The following QTMAN variants were observed in gnomAD, a reference collection of about 807,000 sequenced individuals.
QTMAN encodes queuosine-tRNA mannosyltransferase.
At chr2:144,113,789 C>T in the QTMAN span, among the ~76,000 whole-genome samples, 1 of 152,140 alleles carries the variant, frequency 6.6e-6, no homozygotes, top group East Asian at 1.9e-4. Context: ...TTTTTCATTG[C>T]CTTAATAATT....
chr2:144,006,915 C>G, the QTMAN span: 8 of 309,398 alleles, frequency 2.6e-5, no homozygotes, highest in Non-Finnish European at 1.2e-5. Context: ...CTGAACAAGA[C>G]TTGATATGCT....
chr2:143,975,371 A>C, the QTMAN span, among the ~76,000 whole-genome samples: 1 of 152,170 alleles, frequency 6.6e-6, no homozygotes. Flanking sequence ...CAATCTCCTT[A>C]GTCTCTTCCC....
chr2:144,083,302 C>A, the QTMAN span, among the ~76,000 whole-genome samples: 3 of 152,146 alleles, frequency 2.0e-5, no homozygotes, highest in African/African-American at 7.2e-5. Context: ...TTCTGGCTAA[C>A]AGTCCCAGCT....
the QTMAN span, chr2:143,942,618 T>C: frequency 3.6e-5 from 6 of 167,112 alleles, no homozygotes; most frequent in Non-Finnish European, 8.8e-5. Flanking sequence ...AGTTTAGAGC[T>C]ATAGTTTTCC....
the QTMAN span, among the ~76,000 whole-genome samples, chr2:144,204,153 A>C: frequency 1.3e-5 from 2 of 152,244 alleles, no homozygotes. Context: ...AATGGGATCT[A>C]ATTAAACTAA....
the QTMAN span, among the ~76,000 whole-genome samples, chr2:144,322,800 A>C: frequency 6.6e-6 from 1 of 152,174 alleles, no homozygotes; most frequent in Admixed American, 6.5e-5. Flanking sequence ...AAGATCTTTC[A>C]CCCATAATTT....
chr2:143,986,052 T>C, the QTMAN span, among the ~76,000 whole-genome samples: 1 of 152,182 alleles, frequency 6.6e-6, no homozygotes, highest in Non-Finnish European at 1.5e-5. Flanking sequence ...GGGTTCTCAG[T>C]AATAAATCCA....
the QTMAN span, among the ~76,000 whole-genome samples, chr2:143,969,416 A>G: frequency 3.0e-3 from 450 of 152,348 alleles, 3 homozygotes; most frequent in Middle Eastern, 0.017. Context: ...TATTTGTCCA[A>G]TAAATATTCA....
the QTMAN span, among the ~76,000 whole-genome samples, chr2:144,061,944 T>A: frequency 6.6e-6 from 1 of 152,086 alleles, no homozygotes; most frequent in Non-Finnish European, 1.5e-5. Context: ...GGGAAGATTA[T>A]CTTCCCACCC....
the QTMAN span, among the ~76,000 whole-genome samples, chr2:143,967,258 G>T: frequency 6.6e-6 from 1 of 152,000 alleles, no homozygotes; most frequent in Admixed American, 6.6e-5. Flanking sequence ...GCAATTATTT[G>T]CAAGAGAACC....
chr2:144,157,524 G>A, the QTMAN span, among the ~76,000 whole-genome samples: 1 of 151,972 alleles, frequency 6.6e-6, no homozygotes, highest in Non-Finnish European at 1.5e-5. Context: ...CATAAGCGAA[G>A]TGAGAAGGGA....
the QTMAN span, among the ~76,000 whole-genome samples, chr2:144,265,011 G>C: frequency 6.6e-6 from 1 of 152,208 alleles, no homozygotes; most frequent in African/African-American, 2.4e-5. Flanking sequence ...GGAAGACAGG[G>C]AGGCAGTGTA....
the QTMAN span, among the ~76,000 whole-genome samples, chr2:144,269,431 A>G: frequency 1.3e-5 from 2 of 152,144 alleles, no homozygotes; most frequent in East Asian, 1.9e-4. Context: ...ACTGTGAATG[A>G]TATCGTTAAT....
At chr2:144,206,324 T>C in the QTMAN span, among the ~76,000 whole-genome samples, 1 of 152,198 alleles carries the variant, frequency 6.6e-6, no homozygotes, top group East Asian at 1.9e-4. Flanking sequence ...TTTTCATATC[T>C]TTAAAAATCT....
chr2:144,312,182 T>C, the QTMAN span, among the ~76,000 whole-genome samples: 2 of 121,612 alleles, frequency 1.6e-5, no homozygotes, highest in African/African-American at 2.8e-5. Flanking sequence ...AGTTACATTC[T>C]TTTTTTTTTT....
At chr2:144,052,738 G>C in the QTMAN span, among the ~76,000 whole-genome samples, 3 of 152,132 alleles carry the variant, frequency 2.0e-5, no homozygotes, top group Non-Finnish European at 2.9e-5. Flanking sequence ...CGCAACCTCT[G>C]CCTCCTGGGT....
At chr2:144,037,130 T>C in the QTMAN span, among the ~76,000 whole-genome samples, 24,324 of 152,122 alleles carry the variant, frequency 0.16, 3,689 homozygotes, top group African/African-American at 0.39. Context: ...GGAGACACTA[T>C]TTAATAGGTA....
At chr2:144,258,626 T>C in the QTMAN span, among the ~76,000 whole-genome samples, 1 of 152,244 alleles carries the variant, frequency 6.6e-6, no homozygotes, top group South Asian at 2.1e-4. Flanking sequence ...AAGCATCCAA[T>C]TACTCAGAAA....
At chr2:144,332,950 G>A in the QTMAN span, among the ~76,000 whole-genome samples, 1 of 152,208 alleles carries the variant, frequency 6.6e-6, no homozygotes, top group South Asian at 2.1e-4. Flanking sequence ...TTTTCCAGCC[G>A]GCCCGTTGCA....
Sources: gnomAD v4.1 joint callset for allele counts (sites outside exome capture counted in the v4.1 genomes callset) on GRCh38, gnomAD v4.1.1 for gene constraint, MANE v1.5 for transcripts, NCBI Gene and HGNC (gene_info 2026-07-23, HGNC 2026-07-21) for gene names.